Variants in USPL1 observed in about 807,000 individuals in gnomAD.
USPL1 encodes the protein ubiquitin specific peptidase like 1.
A neutral mutation model predicts 51.5 loss-of-function variants in USPL1; 27 were observed. The ratio of observed to expected loss-of-function variants is 0.52; its 90% CI spans 0.39 to 0.72. The LOEUF (loss-of-function observed/expected upper bound fraction) is 0.72. USPL1 is among the 30% of genes least tolerant of loss of function. The probability of loss-of-function intolerance (pLI) is 0.00; values close to 1 mark genes in which losing one functional copy is unlikely to be tolerated. For synonymous variants in USPL1, 451 were observed against 459.6 expected (o/e 0.98, Z 0.24); for missense variants, 1,226 against 1,268.0 (o/e 0.97, Z 0.50).
intron 4 of USPL1, among the ~76,000 whole-genome samples, chr13:30,634,400 C>T (rs1228311589): frequency 6.6e-6 from 1 of 152,100 alleles, no homozygotes; most frequent in Non-Finnish European, 1.5e-5. Context: ...ATTTTCAGAC[C>T]ACGGTTGAGT....
At chr13:30,622,428 C>T (rs1457420607) in intron 3 of USPL1, among the ~76,000 whole-genome samples, 4 of 152,128 alleles carry the variant, frequency 2.6e-5, no homozygotes, top group Non-Finnish European at 5.9e-5. Flanking sequence ...TCATTAAATT[C>T]TGTAATACTC....
At chr13:30,650,285 A>C (rs908324240) in intron 7 of USPL1, among the ~76,000 whole-genome samples, 4 of 152,178 alleles carry the variant, frequency 2.6e-5, no homozygotes, top group African/African-American at 9.7e-5. Context: ...GCCATTAAGA[A>C]AGAAATGCTG....
chr13:30,628,241 G>A (rs1393172587), intron 3 of USPL1, among the ~76,000 whole-genome samples: 1 of 151,788 alleles, frequency 6.6e-6, no homozygotes, highest in Non-Finnish European at 1.5e-5. Context: ...TCATATAAAC[G>A]GAATCATACA....
At chr13:30,647,455 C>T (rs750375337) in intron 7 of USPL1, among the ~76,000 whole-genome samples, 86 of 152,216 alleles carry the variant, frequency 5.6e-4, no homozygotes, top group Non-Finnish European at 9.3e-4. Context: ...GAATTTCCAT[C>T]TTCTCCTAGA....
chr13:30,658,484 G>A lies in USPL1; in HGVS notation c.2407G>A (p.Gly803Ser), dbSNP rs146467315. 1.8e-5 allele frequency: 29 copies of A among 1,613,776 alleles called. No homozygotes were observed. In the African/African-American group the frequency reaches 2.9e-4, roughly 16 times the overall value. Residue 803 changes from glycine (G) to serine (S), a missense_variant, in exon 9 of 9, where the codon GGT (glycine) becomes AGT (serine). Coordinates refer to ENST00000255304, the MANE Select transcript of USPL1 (RefSeq NM_005800.5). ...TAATTTTGGTGGCTTTAAAACTAAA[G>A]GTATAAACCAGAAGGCCAGCCACGT... ...VNNFGGFKTKGINQKASHVSK... is the reference protein window; with the variant it reads ...VNNFGGFKTKSINQKASHVSK...
At chr13:30,647,189 G>T (rs963055528) in intron 7 of USPL1, 132 bp downstream of exon 7, 16 of 1,072,126 alleles carry the variant, frequency 1.5e-5, no homozygotes, top group Non-Finnish European at 2.0e-5. Context: ...TTTCTGGGTT[G>T]CCAGCTGCCT....
In USPL1 at chr13:30,657,837, C is replaced by T; in HGVS notation, c.1760C>T (p.Thr587Ile). 1 of 1,614,036 alleles carries T rather than the reference C, an allele frequency of 6.2e-7. No homozygotes were observed. Among genetic ancestry groups the T allele is most frequent in the Non-Finnish European group, 8.5e-7 (1 of 1,180,026 alleles). The change falls in exon 9 of 9, where the codon ACA becomes ATA. Residue 587 changes from threonine (T) to isoleucine (I), a missense_variant. Physicochemically the swap from Thr to Ile is moderately conservative, Grantham distance 89 (BLOSUM62 -1). Transcript: ENST00000255304. ...TTGGTTGACAATATTTTACCTCTGA[C>T]ACTTGAAGAAACTATCCAGAAAACA... Reference protein sequence around the residue: ...KGLVDNILPLTLEETIQKTAS... With the variant: ...KGLVDNILPLILEETIQKTAS...
chr13:30,648,284 T>C (rs1002168140), intron 7 of USPL1, among the ~76,000 whole-genome samples: 2 of 152,230 alleles, frequency 1.3e-5, no homozygotes, highest in African/African-American at 2.4e-5. Flanking sequence ...CTTTAAAGAC[T>C]TATTAATAAA....
chr13:30,640,391 T>C (rs1365617331), intron 5 of USPL1, among the ~76,000 whole-genome samples: 1 of 152,228 alleles, frequency 6.6e-6, no homozygotes, highest in East Asian at 1.9e-4. Context: ...AAAAAAACTT[T>C]TTAAAACTTA....
chr13:30,631,332 G>A lies in USPL1; in HGVS notation c.726G>A (p.Leu242=), dbSNP rs141652850. ...CTCTCTGTTGGTTAGACTGTATCCT[G>A]TCAGCTTTGGTGCACTCGGAAGAGT... ...AYALCWLDCI[L]SALVHSEELK... is the part of the protein sequence containing the mutation. The change falls in exon 4 of 9, where the codon CTG becomes CTA. Residue 242 remains leucine, a synonymous_variant. Coordinates refer to ENST00000255304, the MANE Select transcript of USPL1 (RefSeq NM_005800.5). 2.5e-5 allele frequency: 40 copies of A among 1,614,178 alleles called. No individual in the cohort carries two copies. In the African/African-American group the frequency reaches 4.8e-4, roughly 19 times the overall value.
In USPL1 at chr13:30,657,795, T is replaced by G; in HGVS notation, c.1718T>G (p.Leu573Arg). ...DTAVTHGDHL[L>R]SGPKGLVDNI... is the part of the protein sequence containing the mutation. ...GCTGTAACTCATGGAGATCATTTACTTTCAGGTCCAAAAGGTTTGGTTGAC... is the reference window on the plus strand; with the variant it reads ...GCTGTAACTCATGGAGATCATTTACGTTCAGGTCCAAAAGGTTTGGTTGAC... The change falls in exon 9 of 9, where the codon CTT becomes CGT. Residue 573 changes from leucine to arginine, a missense_variant. Coordinates refer to ENST00000255304, the MANE Select transcript of USPL1 (RefSeq NM_005800.5). 1 of 1,614,114 alleles carries G rather than the reference T, an allele frequency of 6.2e-7. No individual in the cohort carries two copies. The highest frequency in any genetic ancestry group is 8.5e-7 in the Non-Finnish European group (1 of 1,180,040).
chr13:30,645,326 T>C (rs1424816416), intron 6 of USPL1, among the ~76,000 whole-genome samples: 1 of 152,174 alleles, frequency 6.6e-6, no homozygotes, highest in African/African-American at 2.4e-5. Flanking sequence ...ATTTACTAAT[T>C]AGGTAGAGAG....
At chr13:30,623,469 T>G (rs1323854794) in intron 3 of USPL1, among the ~76,000 whole-genome samples, 1 of 152,140 alleles carries the variant, frequency 6.6e-6, no homozygotes, top group Non-Finnish European at 1.5e-5. Context: ...TGAAAATATA[T>G]GTAATGGGCA....
chr13:30,638,215 C>A (rs1566052745), intron 5 of USPL1, among the ~76,000 whole-genome samples: 1 of 152,126 alleles, frequency 6.6e-6, no homozygotes, highest in Non-Finnish European at 1.5e-5. Context: ...AAAGTAAATG[C>A]CAATGCTGGG....
intron 6 of USPL1, among the ~76,000 whole-genome samples, chr13:30,643,553 T>C (rs999934559): frequency 6.7e-6 from 1 of 150,206 alleles, no homozygotes; most frequent in African/African-American, 2.5e-5. Flanking sequence ...CCAGACTGGC[T>C]CAATTGTTCG....
At chr13:30,634,317 A>G (rs558699295) in intron 4 of USPL1, among the ~76,000 whole-genome samples, 18 of 152,206 alleles carry the variant, frequency 1.2e-4, no homozygotes, top group Non-Finnish European at 2.6e-4. Flanking sequence ...GGACAGCAAG[A>G]GAGTTCATGA....
At position 30,631,321 on chromosome 13, in the gene USPL1, G is replaced by A; in HGVS notation, c.715G>A (p.Asp239Asn). The A allele has an allele frequency of 6.2e-7, 1 of 1,614,166 alleles. No homozygotes were observed. The highest frequency in any genetic ancestry group is 8.5e-7 in the Non-Finnish European group (1 of 1,180,034). Residue 239 changes from aspartate to asparagine, a missense_variant, in exon 4 of 9, where the codon GAC becomes AAC. By Grantham distance (23) the Asp-to-Asn change is conservative. Transcript: ENST00000255304. ...WKNAYALCWLDCILSALVHSE... is the reference protein window; with the variant it reads ...WKNAYALCWLNCILSALVHSE... ...AAATGCTTATGCTCTCTGTTGGTTA[G>A]ACTGTATCCTGTCAGCTTTGGTGCA...
chr13:30,618,518 T>C (rs1950600966), intron 1 of USPL1, among the ~76,000 whole-genome samples: 2 of 152,058 alleles, frequency 1.3e-5, no homozygotes, highest in South Asian at 4.2e-4. Context: ...CGAGCTCAAA[T>C]GGGTGGGTTT....
chr13:30,619,669 T>A (rs1046580528), intron 1 of USPL1, among the ~76,000 whole-genome samples: 2 of 152,176 alleles, frequency 1.3e-5, no homozygotes, highest in African/African-American at 4.8e-5. Flanking sequence ...TTATCTCATT[T>A]AATTCTTAGA....
Sources: gnomAD v4.1 joint callset for allele counts (sites outside exome capture counted in the v4.1 genomes callset) on GRCh38, gnomAD v4.1.1 for gene constraint, MANE v1.5 for transcripts, NCBI Gene and HGNC (gene_info 2026-07-23, HGNC 2026-07-21) for gene names.